Variants in DGKH observed in about 807,000 individuals in gnomAD.
The protein encoded by DGKH is DAG kinase eta.
In DGKH, 90 loss-of-function variants were observed where a neutral mutation model predicts 159.3. The ratio of observed to expected loss-of-function variants is 0.57; its 90% CI spans 0.48 to 0.67. DGKH has a LOEUF of 0.67. DGKH is among the 30% of genes least tolerant of loss of function. The probability of loss-of-function intolerance (pLI) is 0.00; values close to 1 mark genes in which losing one functional copy is unlikely to be tolerated. For synonymous variants in DGKH, 536 were observed against 553.8 expected, an observed-to-expected ratio of 0.97 and a Z score of 0.45; for missense variants, 1,181 against 1,506.1, an observed-to-expected ratio of 0.78 and a Z score of 3.57.
intron 3 of DGKH, among the ~76,000 whole-genome samples, chr13:42,145,147 C>G (rs1955691770): frequency 6.6e-6 from 1 of 152,186 alleles, no homozygotes; most frequent in Admixed American, 6.5e-5. Context: ...TTTCTATTTA[C>G]TGGTTTCTGC....
chr13:42,168,472 G>A lies in DGKH; in HGVS notation c.1151G>A (p.Arg384Gln), dbSNP rs921207491. ...LRLFQKFDNF[R>Q]ILVCGGDGSV... ...TTATTTCAGAAGTTTGACAATTTCC[G>A]GATTCTTGTTTGTGGAGGCGATGGA... Residue 384 changes from arginine to glutamine, a missense_variant, in exon 10 of 30, where the codon CGG (arginine) becomes CAG (glutamine). Arg to Gln is a conservative substitution (Grantham distance 43). Transcript: ENST00000337343. 4.3e-6 allele frequency: 7 copies of A among 1,613,904 alleles called. No individual in the cohort carries two copies. The highest frequency in any genetic ancestry group is 2.2e-5 in the East Asian group (1 of 44,878).
intron 21 of DGKH, 45 bp downstream of exon 21, chr13:42,206,191 A>T: frequency 8.2e-7 from 1 of 1,222,592 alleles, no homozygotes; most frequent in Non-Finnish European, 1.1e-6. Context: ...AAATAATTAT[A>T]TCACTGGAAT....
intron 3 of DGKH, chr13:42,138,186 A>AGGC: frequency 1.2e-6 from 1 of 845,082 alleles, no homozygotes; most frequent in Non-Finnish European, 1.4e-6. Context: ...CTAATATGGA[A>AGGC]TTCAGGGCTC....
At position 42,174,164 on chromosome 13, in the gene DGKH, C is replaced by G. The variant is rs762479003; in HGVS notation, c.1452+20C>G. On this transcript the variant is annotated intron_variant, in intron 12 of 29. Transcript: ENST00000337343. ...TTTTATGTAAGACTTAACCCTTTAC[C>G]TATCATTTGAAATGGGGGTGGATAT... The G allele has an allele frequency of 1.8e-5, 29 of 1,573,434 alleles. 1 individual carries two copies. The South Asian group carries it at 3.3e-4, about 18-fold the overall frequency.
intron 13 of DGKH, among the ~76,000 whole-genome samples, chr13:42,182,866 G>A (rs1393370241): frequency 6.6e-6 from 1 of 151,026 alleles, no homozygotes; most frequent in African/African-American, 2.4e-5. Flanking sequence ...AGTTTTCTCA[G>A]AGGTTTTTCT....
intron 7 of DGKH, among the ~76,000 whole-genome samples, chr13:42,162,858 CTT>C (rs35340204): frequency 1.4e-5 from 2 of 147,888 alleles, no homozygotes; most frequent in Admixed American, 6.7e-5. Context: ...TTGCGTATGT[CTT>C]TTTTTTTAAT....
At chr13:42,156,335 TG>T (rs1956043987) in intron 5 of DGKH, among the ~76,000 whole-genome samples, 1 of 152,096 alleles carries the variant, frequency 6.6e-6, no homozygotes, top group Non-Finnish European at 1.5e-5. Context: ...CTCAGCCTCC[TG>T]GGCTCAAACG....
chr13:42,162,911 T>C (rs1956222686), intron 7 of DGKH, among the ~76,000 whole-genome samples: 1 of 151,884 alleles, frequency 6.6e-6, no homozygotes, highest in Non-Finnish European at 1.5e-5. Flanking sequence ...GTGCACAATG[T>C]GCAGGTTAGT....
At chr13:42,118,954 T>C (rs1955014241) in intron 1 of DGKH, among the ~76,000 whole-genome samples, 1 of 152,226 alleles carries the variant, frequency 6.6e-6, no homozygotes, top group Non-Finnish European at 1.5e-5. Flanking sequence ...GACCAAACAT[T>C]AACTTTTCTT....
intron 20 of DGKH, among the ~76,000 whole-genome samples, chr13:42,205,342 G>A (rs1416756885): frequency 1.3e-5 from 2 of 152,058 alleles, no homozygotes; most frequent in African/African-American, 4.8e-5. Context: ...AAAGTTAATA[G>A]AATAAACAGC....
intron 30 of DGKH, among the ~76,000 whole-genome samples, chr13:42,253,035 CTT>C (rs1293722265): frequency 2.0e-5 from 3 of 152,136 alleles, no homozygotes; most frequent in Admixed American, 6.5e-5. Flanking sequence ...TTATAATTGA[CTT>C]TATAATTTCT....
intron 1 of DGKH, among the ~76,000 whole-genome samples, chr13:42,124,392 T>G (rs1405747425): frequency 1.3e-5 from 2 of 152,240 alleles, no homozygotes; most frequent in Non-Finnish European, 2.9e-5. Flanking sequence ...GTTTTAATTT[T>G]TATTGTTATA....
At chr13:42,089,811 A>C (rs528278555) in intron 1 of DGKH, among the ~76,000 whole-genome samples, 1 of 152,288 alleles carries the variant, frequency 6.6e-6, no homozygotes, top group Admixed American at 6.5e-5. Context: ...ACATAAAGTA[A>C]AGTATGCCCA....
intron 3 of DGKH, among the ~76,000 whole-genome samples, chr13:42,136,103 C>T (rs1955397743): frequency 6.6e-6 from 1 of 152,194 alleles, no homozygotes. Flanking sequence ...GTACCTACCT[C>T]ATAGGATTAT....
rs1003784862 is a variant in DGKH, at chr13:42,232,155, G to A, written c.*2967G>A. 2.0e-5 allele frequency: 3 copies of A among 152,244 alleles called. No individual in the cohort carries two copies. The highest frequency in any genetic ancestry group is 4.8e-5 in the African/African-American group (2 of 41,432). 9.4% of individuals were successfully genotyped at this position (152,244 alleles called of 1,614,324 possible). On this transcript the variant is annotated 3_prime_UTR_variant, in exon 30 of 30. Coordinates refer to ENST00000337343, the MANE Select transcript of DGKH (RefSeq NM_178009.5). ...CATGGGATCAGATCACAGCTTTGGG[G>A]AGTGGGATGGGGCCTCTATGCTTTG...
Position 42,215,490 on chromosome 13 carries a change from T to G in DGKH, c.3121-85T>G, listed in dbSNP as rs879130429. 3.8e-6 allele frequency: 4 copies of G among 1,055,128 alleles called. No individual in the cohort carries two copies. In the South Asian group the frequency reaches 8.5e-5, roughly 22 times the overall value. 65.4% of individuals were successfully genotyped at this position (1,055,128 alleles called of 1,614,324 possible). The stretch of plus-strand genomic sequence containing the variant: ...TAAAAATGTGTGCTGTGAATTTAAA[T>G]TATAAGAATAAAATTTAAAGTGTTT... On this transcript the variant is annotated intron_variant, in intron 25 of 29. Coordinates refer to ENST00000337343, the MANE Select transcript of DGKH (RefSeq NM_178009.5).
At chr13:42,169,802 CA>C (rs1254522232) in intron 11 of DGKH, among the ~76,000 whole-genome samples, 2 of 151,952 alleles carry the variant, frequency 1.3e-5, no homozygotes, top group Non-Finnish European at 2.9e-5. Flanking sequence ...TCTGTTCATC[CA>C]AAATTACATG....
chr13:42,192,806 T>A (rs1377570946), intron 16 of DGKH, among the ~76,000 whole-genome samples: 1 of 152,186 alleles, frequency 6.6e-6, no homozygotes, highest in Non-Finnish European at 1.5e-5. Context: ...TTAAACCTTT[T>A]GTTTTCCTTG....
At position 42,234,334 on chromosome 13, in the gene DGKH, G is replaced by A. The variant is rs1043100287; in HGVS notation, c.*5146G>A. On this transcript the variant is annotated 3_prime_UTR_variant, in exon 30 of 30. Transcript: ENST00000337343. ...AATCAAGGAAGAAAATATTCATGCA[G>A]AGCTATGACTTAGAAAGTTATAGGG... 4 of 152,162 alleles carry A rather than the reference G, an allele frequency of 2.6e-5. No homozygotes were observed. The highest frequency in any genetic ancestry group is 2.0e-4 in the Admixed American group (3 of 15,282). 9.4% of individuals were successfully genotyped at this position (152,162 alleles called of 1,614,324 possible). A position where few individuals can be genotyped will look rare whatever the true frequency, so the allele number is the denominator to read the frequency against.
Sources: allele counts gnomAD v4.1 joint callset (sites outside exome capture counted in the v4.1 genomes callset), GRCh38; gene constraint gnomAD v4.1.1; transcripts MANE v1.5; gene names NCBI Gene and HGNC (gene_info 2026-07-23, HGNC 2026-07-21).